Variants in CIT observed in about 807,000 individuals in gnomAD.
The protein encoded by CIT is citron rho-interacting serine/threonine kinase, also known as citron Rho-interacting kinase.
CIT carries 79 observed loss-of-function variants against 272.7 expected under a neutral mutation model. The ratio of observed to expected loss-of-function variants is 0.29; its 90% confidence interval spans 0.24 to 0.35. CIT has a LOEUF of 0.35. Ranked by LOEUF, CIT falls within the 10% of genes least tolerant of loss-of-function variation. The pLI is 1.00. For missense variants in CIT, 1,909 were observed against 2,618.3 expected (o/e 0.73, Z 5.91); for synonymous variants, 948 against 995.6 (o/e 0.95, Z 0.90).
intron 2 of CIT, among the ~76,000 whole-genome samples, chr12:119,874,903 AT>A (rs1412408363): frequency 6.6e-6 from 1 of 151,330 alleles, no homozygotes; most frequent in Non-Finnish European, 1.5e-5. Context: ...AAAAAAAAAA[AT>A]CTTAAAAAAT....
rs375770011 is a variant in CIT, at chr12:119,718,837, C to A, written c.3865G>T (p.Asp1289Tyr). 16 of 1,614,002 alleles carry A rather than the reference C, an allele frequency of 9.9e-6. No individual in the cohort carries two copies. Among genetic ancestry groups the A allele is most frequent in the Admixed American group, 1.7e-5 (1 of 60,002 alleles). The change falls in exon 31 of 48, where the codon GAC becomes TAC. Residue 1289 changes from aspartate to tyrosine, a missense_variant. Physicochemically the swap from Asp to Tyr is radical, Grantham distance 160. Transcript: ENST00000392521. This position sits in a 1 kb window ranked among gnomAD's most constrained non-coding sequence, Gnocchi z 4.8. ...GGAACCTGTGTGGGTAAAGCAGGGT[C>A]CTCTTTCCGTCGACTAAATAAACCC... ...KKGLFSRRKE[D>Y]PALPTQVPLQ... is the part of the protein sequence containing the mutation.
At chr12:119,855,272 A>T (rs1455680830) in intron 4 of CIT, among the ~76,000 whole-genome samples, 1 of 151,950 alleles carries the variant, frequency 6.6e-6, no homozygotes, top group Non-Finnish European at 1.5e-5. Context: ...ATTACAAAAA[A>T]ATTAGCCGGG....
Position 119,808,509 on chromosome 12 carries a change from T to C in CIT, c.1112-5120A>G, listed in dbSNP as rs552725818. ...TGCTTCAGAGTACCCAATGTATTCATGAAGAACTAGCATATTAAAAAAAAA... is the reference window on the plus strand; with the variant it reads ...TGCTTCAGAGTACCCAATGTATTCACGAAGAACTAGCATATTAAAAAAAAA... On this transcript the variant is annotated intron_variant, in intron 9 of 47. Transcript: ENST00000392521. Among the ~76,000 whole-genome samples, 8 of 151,844 alleles carry C rather than the reference T, an allele frequency of 5.3e-5. No individual in the cohort carries two copies. The East Asian group carries it at 1.5e-3, about 29-fold the overall frequency.
At chr12:119,735,124 C>T (rs372547484) in intron 25 of CIT, 36 bp downstream of exon 25, 5 of 1,605,972 alleles carry the variant, frequency 3.1e-6, no homozygotes, top group African/African-American at 1.3e-5. Flanking sequence ...TCTAAAAGTC[C>T]TCCAGGGATC....
chr12:119,749,106 C>T (rs1959856728), intron 23 of CIT, among the ~76,000 whole-genome samples: 1 of 152,236 alleles, frequency 6.6e-6, no homozygotes, highest in Admixed American at 6.5e-5. Context: ...CTCCCAGCTG[C>T]ACCGCCAAGA....
intron 10 of CIT, among the ~76,000 whole-genome samples, chr12:119,791,147 A>C (rs1308308395): frequency 6.6e-6 from 1 of 152,206 alleles, no homozygotes. Flanking sequence ...CTGAGGCTCT[A>C]TCACCAAACA....
At chr12:119,802,305 G>A (rs1566065409) in intron 10 of CIT, among the ~76,000 whole-genome samples, 1 of 152,264 alleles carries the variant, frequency 6.6e-6, no homozygotes, top group Non-Finnish European at 1.5e-5. Context: ...ATTGTATCAT[G>A]AGAGAATGAG....
Position 119,776,558 on chromosome 12 carries a change from A to G in CIT, c.1836+114T>C. On this transcript the variant is annotated intron_variant, in intron 14 of 47. Coordinates refer to ENST00000392521, the MANE Select transcript of CIT (RefSeq NM_001206999.2). ...ATAAAGACCAAGAGTTTTCCAAGGT[A>G]TCCTACTATTTCTCAAACTAGGTTG... 4.3e-6 allele frequency: 5 copies of G among 1,155,402 alleles called. 1 individual carries two copies. Among genetic ancestry groups the G allele is most frequent in the Non-Finnish European group, 6.2e-6 (5 of 802,136 alleles). 71.6% of individuals were successfully genotyped at this position (1,155,402 alleles called of 1,614,324 possible).
Position 119,870,549 on chromosome 12 carries a change from C to CAAAAA in CIT, c.97-1353_97-1349dup, listed in dbSNP as rs57894300. ...TAGGCAACACAGTGAGACTCCCTCT[C>CAAAAA]AAAAAAAAAAAAAAAAAAAAAAAAG... On this transcript the variant is annotated intron_variant, in intron 2 of 47. Transcript: ENST00000392521. 1.8e-3 allele frequency among the ~76,000 whole-genome samples: 95 copies of CAAAAA among 52,390 alleles called. 3 individuals carry two copies. Among genetic ancestry groups the CAAAAA allele is most frequent in the African/African-American group, 4.9e-3 (74 of 14,970 alleles). 34.4% of individuals were successfully genotyped at this position (52,390 alleles called of 152,430 possible). A position where few individuals can be genotyped will look rare whatever the true frequency, so the allele number is the denominator to read the frequency against.
Position 119,857,634 on chromosome 12 carries a change from A to T in CIT, c.303T>A (p.Ser101Arg), listed in dbSNP as rs781286149. 1.2e-6 allele frequency: 2 copies of T among 1,614,000 alleles called. No homozygotes were observed. Among genetic ancestry groups the T allele is most frequent in the African/African-American group, 2.7e-5 (2 of 74,902 alleles). The part of the protein sequence containing the change: ...QPSAKDFEVR[S>R]LVGCGHFAEV... ...CAGCAAAGTGACCACAACCTACAAGACTTCTGACTTCGAAGTCCTTTGCCG... is the reference window on the plus strand; with the variant it reads ...CAGCAAAGTGACCACAACCTACAAGTCTTCTGACTTCGAAGTCCTTTGCCG... The change falls in exon 4 of 48, where the codon AGT becomes AGA. Residue 101 changes from serine to arginine, a missense_variant. Ser to Arg is a moderately radical substitution (Grantham distance 110). Transcript: ENST00000392521.
intron 7 of CIT, among the ~76,000 whole-genome samples, chr12:119,829,344 A>AAGAAGAGAAG (rs58685524): frequency 0.095 from 12,602 of 133,304 alleles, 834 homozygotes; most frequent in Middle Eastern, 0.14. Context: ...CTTGAAAGAA[A>AAGAAGAGAAG]AGAAGAGAAG....
intron 7 of CIT, among the ~76,000 whole-genome samples, chr12:119,827,706 G>A (rs1477052800): frequency 6.6e-6 from 1 of 152,076 alleles, no homozygotes; most frequent in East Asian, 1.9e-4. Flanking sequence ...CAAAGTGCTG[G>A]GATTACAAGT....
At chr12:119,760,807 C>G in intron 20 of CIT, 132 bp downstream of exon 20, 1 of 701,392 alleles carries the variant, frequency 1.4e-6, no homozygotes, top group Non-Finnish European at 2.5e-6. Context: ...AGAAAGCCTC[C>G]TATTACCAAC....
At chr12:119,806,861 G>A (rs1966641556) in intron 9 of CIT, among the ~76,000 whole-genome samples, 1 of 151,994 alleles carries the variant, frequency 6.6e-6, no homozygotes, top group Admixed American at 6.6e-5. Context: ...AAAGAACCAG[G>A]TACATTTGAA....
At chr12:119,848,107 A>C (rs1366979544) in intron 5 of CIT, among the ~76,000 whole-genome samples, 1 of 152,102 alleles carries the variant, frequency 6.6e-6, no homozygotes, top group African/African-American at 2.4e-5. Context: ...GCAATATGTA[A>C]GGAAAGGGTG....
Position 119,690,424 on chromosome 12 carries a change from G to A in CIT, c.5913C>T (p.Tyr1971=). 1.3e-6 allele frequency: 2 copies of A among 1,595,016 alleles called. No homozygotes were observed. Among genetic ancestry groups the A allele is most frequent in the Middle Eastern group, 1.7e-4 (1 of 6,042 alleles). The change falls in exon 47 of 48, where the codon TAC becomes TAT. Residue 1971 remains tyrosine, a synonymous_variant. Transcript: ENST00000392521. This position sits in a 1 kb window ranked among gnomAD's most constrained non-coding sequence, Gnocchi z 6.0. ...CCACGCGCTTGGTGATGTGCTCGTT[G>A]TACGTGGGTGGGCCTCGCTTGTTGG... ...SSPNKRGPPT[Y]NEHITKRVAS... is the part of the protein sequence containing the mutation.
chr12:119,740,664 T>C (rs1959015317), intron 24 of CIT, among the ~76,000 whole-genome samples: 1 of 151,980 alleles, frequency 6.6e-6, no homozygotes, highest in Non-Finnish European at 1.5e-5. Flanking sequence ...AAGGAAAAAA[T>C]AGTAATATAA....
chr12:119,704,957 G>C (rs2137010965), intron 40 of CIT, among the ~76,000 whole-genome samples: 1 of 152,316 alleles, frequency 6.6e-6, no homozygotes, highest in East Asian at 1.9e-4. Context: ...CTGTCGCCCA[G>C]GCTGGAGTGC....
At chr12:119,709,537 A>G (rs1957046146) in intron 39 of CIT, among the ~76,000 whole-genome samples, 1 of 152,226 alleles carries the variant, frequency 6.6e-6, no homozygotes, top group African/African-American at 2.4e-5. Context: ...TGTCCATAGT[A>G]TGTCAGTCCC....
Sources: gnomAD v4.1 joint callset for allele counts (sites outside exome capture counted in the v4.1 genomes callset) on GRCh38, gnomAD v4.1.1 for gene constraint, Gnocchi (gnomAD v3.1) non-coding constraint, MANE v1.5 for transcripts, NCBI Gene and HGNC (gene_info 2026-07-23, HGNC 2026-07-21) for gene names.